CFAP54: variants seen among roughly 807,000 people sequenced by gnomAD.
CFAP54 encodes cilia- and flagella-associated protein 54.
In CFAP54, 290 loss-of-function variants were observed where a neutral mutation model predicts 370.4. That is an observed-to-expected ratio of 0.78 (90% CI 0.71 to 0.86). CFAP54 has a LOEUF of 0.86. Among genes scored for constraint, CFAP54 ranks in the 40% least tolerant of loss-of-function variants. The probability of loss-of-function intolerance (pLI) is 0.00; values close to 1 mark genes in which losing one functional copy is unlikely to be tolerated. For missense variants in CFAP54, 3,399 were observed against 3,528.7 expected (o/e 0.96, Z 0.93); for synonymous variants, 1,206 against 1,236.5 (o/e 0.98, Z 0.52).
At chr12:96,746,122 G>C (rs187472072) in intron 55 of CFAP54, among the ~76,000 whole-genome samples, 2 of 152,072 alleles carry the variant, frequency 1.3e-5, no homozygotes, top group East Asian at 3.9e-4. Flanking sequence ...TGTCCTTCCT[G>C]GGGACCTTGC....
At chr12:96,636,289 A>G (rs528544319) in intron 32 of CFAP54, among the ~76,000 whole-genome samples, 5 of 152,150 alleles carry the variant, frequency 3.3e-5, no homozygotes, top group Non-Finnish European at 5.9e-5. Flanking sequence ...TTTCTTTGAG[A>G]TTACTATGTC....
rs747325913 is a variant in CFAP54 at position 96,744,116 on chromosome 12, A to G, written c.7654A>G (p.Met2552Val). ...GAAAAATATCTATCTTCCCCATGTCATGTTATTGGCCAAAATAAAAATGAG... is the reference window on the plus strand; with the variant it reads ...GAAAAATATCTATCTTCCCCATGTCGTGTTATTGGCCAAAATAAAAATGAG... Reference protein sequence around the residue: ...PLKNIYLPHVMLLAKIKMRIG... With the variant: ...PLKNIYLPHVVLLAKIKMRIG... The change falls in exon 55 of 68, where the codon ATG becomes GTG. Residue 2552 changes from methionine (M) to valine (V), a missense_variant. By Grantham distance (21) the Met-to-Val change is conservative. This residue lies in a region of CFAP54 where 2,796 missense variants were observed against 2,869.7 expected (regional missense o/e 0.97). Coordinates refer to ENST00000524981, the MANE Select transcript of CFAP54 (RefSeq NM_001306084.2). 1.2e-6 allele frequency: 2 copies of G among 1,609,736 alleles called. No homozygotes were observed. Among genetic ancestry groups the G allele is most frequent in the Non-Finnish European group, 1.7e-6 (2 of 1,176,772 alleles).
At chr12:96,626,521 C>T (rs1399579748) in intron 29 of CFAP54, among the ~76,000 whole-genome samples, 2 of 151,920 alleles carry the variant, frequency 1.3e-5, no homozygotes, top group Non-Finnish European at 2.9e-5. Context: ...TGATAATTAT[C>T]AACAATTTTT....
intron 50 of CFAP54, among the ~76,000 whole-genome samples, chr12:96,723,728 G>A (rs966279980): frequency 6.6e-6 from 1 of 150,822 alleles, no homozygotes; most frequent in Admixed American, 6.6e-5. Flanking sequence ...TGCACAGTGT[G>A]CAGGTTAGTT....
intron 50 of CFAP54, among the ~76,000 whole-genome samples, chr12:96,734,252 C>T (rs1213217515): frequency 6.6e-6 from 1 of 152,108 alleles, no homozygotes; most frequent in African/African-American, 2.4e-5. Context: ...CTCTCCCCAC[C>T]TCTCCTGGCC....
intron 50 of CFAP54, among the ~76,000 whole-genome samples, chr12:96,722,097 C>A (rs987808711): frequency 6.6e-6 from 1 of 152,198 alleles, no homozygotes. Context: ...CCATGTAAGT[C>A]CTGGCCCATG....
chr12:96,617,585 C>T (rs562467576), intron 26 of CFAP54, among the ~76,000 whole-genome samples: 39 of 152,322 alleles, frequency 2.6e-4, no homozygotes, highest in African/African-American at 8.9e-4. Flanking sequence ...AAGCAGGGGT[C>T]CCATGCAATC....
intron 32 of CFAP54, among the ~76,000 whole-genome samples, chr12:96,639,340 A>G (rs907523433): frequency 1.3e-5 from 2 of 152,266 alleles, no homozygotes; most frequent in African/African-American, 4.8e-5. Flanking sequence ...ATAAATGGAT[A>G]AATTCCTTGA....
At chr12:96,521,279 G>GA (rs1555224251) in intron 6 of CFAP54, among the ~76,000 whole-genome samples, 2 of 152,158 alleles carry the variant, frequency 1.3e-5, no homozygotes, top group Non-Finnish European at 2.9e-5. Flanking sequence ...GAACTCATTT[G>GA]TTATCTCTAG....
chr12:96,619,172 T>G (rs1956457700), intron 26 of CFAP54, among the ~76,000 whole-genome samples: 2 of 152,142 alleles, frequency 1.3e-5, no homozygotes, highest in African/African-American at 4.8e-5. Context: ...CCTGAATGTG[T>G]TCTGAAAACA....
At chr12:96,794,588 G>T (rs1476354066) in intron 63 of CFAP54, among the ~76,000 whole-genome samples, 5 of 151,938 alleles carry the variant, frequency 3.3e-5, no homozygotes, top group Admixed American at 3.3e-4. Flanking sequence ...TCCAGGCTTT[G>T]TCATTGTTTT....
chr12:96,777,069 A>G (rs34467), intron 60 of CFAP54, among the ~76,000 whole-genome samples: 22,352 of 152,132 alleles, frequency 0.15, 2,020 homozygotes, highest in Middle Eastern at 0.26. Flanking sequence ...TTTTTGAACA[A>G]ATGTTTGCCT....
chr12:96,859,225 C>T (rs1468181515), intron 66 of CFAP54, among the ~76,000 whole-genome samples: 2 of 152,028 alleles, frequency 1.3e-5, no homozygotes, highest in African/African-American at 2.4e-5. Context: ...GAAGCTGGAC[C>T]CCTTATTTAT....
intron 64 of CFAP54, among the ~76,000 whole-genome samples, chr12:96,817,308 G>A (rs1024428379): frequency 3.3e-5 from 5 of 152,084 alleles, no homozygotes; most frequent in African/African-American, 9.7e-5. Flanking sequence ...CTTTGCTCAT[G>A]TTTCTTGAAT....
chr12:96,852,481 C>T (rs1413836136), intron 66 of CFAP54, among the ~76,000 whole-genome samples: 2 of 152,050 alleles, frequency 1.3e-5, no homozygotes, highest in Non-Finnish European at 2.9e-5. Context: ...AAATAATGCA[C>T]CTCAACCCTT....
chr12:96,643,924 C>A (rs1447981408), intron 32 of CFAP54, among the ~76,000 whole-genome samples: 3 of 152,128 alleles, frequency 2.0e-5, no homozygotes, highest in Non-Finnish European at 1.5e-5. Context: ...TTGGTTTTAG[C>A]TAAGGACACA....
chr12:96,816,216 G>T (rs1361914374), intron 64 of CFAP54, among the ~76,000 whole-genome samples: 3 of 152,062 alleles, frequency 2.0e-5, no homozygotes, highest in African/African-American at 7.2e-5. Flanking sequence ...TTTTCCATTT[G>T]TTTGTGTCCT....
At chr12:96,634,132 T>G (rs940946422) in intron 32 of CFAP54, among the ~76,000 whole-genome samples, 1 of 136,534 alleles carries the variant, frequency 7.3e-6, no homozygotes, top group African/African-American at 2.7e-5. Context: ...CTTGGCTCAC[T>G]GCAACCTCCG....
intron 36 of CFAP54, among the ~76,000 whole-genome samples, chr12:96,654,461 G>A (rs11108618): frequency 0.24 from 36,347 of 148,694 alleles, 5,301 homozygotes; most frequent in East Asian, 0.49. Flanking sequence ...AGATCCCGCC[G>A]CTGCACTCCA....
Sources: gnomAD v4.1 joint callset for allele counts (sites outside exome capture counted in the v4.1 genomes callset) on GRCh38, gnomAD v4.1.1 for gene constraint, gnomAD v4.1.1 regional missense constraint, MANE v1.5 for transcripts, NCBI Gene and HGNC (gene_info 2026-07-23, HGNC 2026-07-21) for gene names.